Variants in MALRD1 observed in about 807,000 individuals in gnomAD.
MALRD1 encodes the protein MAM and LDL receptor class A domain containing 1.
A neutral mutation model predicts 242.1 loss-of-function variants in MALRD1; 247 were observed. The ratio of observed to expected loss-of-function variants is 1.02; its 90% CI spans 0.92 to 1.13. The LOEUF (loss-of-function observed/expected upper bound fraction) is 1.13. Ranked by LOEUF, MALRD1 falls within the 50% of genes most tolerant of loss-of-function variation. MALRD1 has a pLI of 0.00. For synonymous variants in MALRD1, 995 were observed against 866.6 expected, an observed-to-expected ratio of 1.15 and a Z score of -2.60; for missense variants, 2,989 against 2,533.1, an observed-to-expected ratio of 1.18 and a Z score of -3.86.
chr10:19,186,519 T>C (rs929057103), intron 14 of MALRD1, among the ~76,000 whole-genome samples: 22 of 152,226 alleles, frequency 1.4e-4, no homozygotes, highest in African/African-American at 5.3e-4. Context: ...GAATTCAGGA[T>C]AGTAGTGAAA....
intron 36 of MALRD1, among the ~76,000 whole-genome samples, chr10:19,632,891 G>A (rs1419368328): frequency 1.3e-5 from 2 of 152,110 alleles, no homozygotes; most frequent in Non-Finnish European, 2.9e-5. Flanking sequence ...TAGAACTTTT[G>A]TGCTCCATTG....
At chr10:19,733,847 C>T (rs1732060729) in intron 39 of MALRD1, among the ~76,000 whole-genome samples, 1 of 151,842 alleles carries the variant, frequency 6.6e-6, no homozygotes, top group African/African-American at 2.4e-5. Flanking sequence ...ATATTCAATA[C>T]AGAAGGCTTA....
chr10:19,471,526 A>G (rs1050893484), intron 29 of MALRD1, among the ~76,000 whole-genome samples: 2 of 151,570 alleles, frequency 1.3e-5, no homozygotes, highest in African/African-American at 2.4e-5. Flanking sequence ...TTTGGGTAGT[A>G]TAGACATTTT....
chr10:19,228,837 T>C (rs1017612029), intron 18 of MALRD1, among the ~76,000 whole-genome samples: 5 of 152,148 alleles, frequency 3.3e-5, no homozygotes, highest in African/African-American at 1.2e-4. Flanking sequence ...ACCAAACAAC[T>C]TTTTGAAGAC....
chr10:19,234,697 CCTA>C (rs951570308), intron 18 of MALRD1, among the ~76,000 whole-genome samples: 1 of 151,854 alleles, frequency 6.6e-6, no homozygotes, highest in African/African-American at 2.4e-5. Flanking sequence ...GAAAATAGAT[CCTA>C]CTATACTCCA....
chr10:19,697,173 T>A (rs76355211), intron 38 of MALRD1, among the ~76,000 whole-genome samples: 3,178 of 152,060 alleles, frequency 0.021, 126 homozygotes, highest in African/African-American at 0.073. Flanking sequence ...GAGAGAGATT[T>A]AAGGAGTTGT....
At chr10:19,716,714 G>A (rs1834407680) in intron 38 of MALRD1, 1 of 152,170 alleles carries the variant, frequency 6.6e-6, no homozygotes, top group African/African-American at 2.4e-5. Flanking sequence ...TTGTAATGCA[G>A]AATCTGAAAC....
intron 28 of MALRD1, among the ~76,000 whole-genome samples, chr10:19,399,222 G>A (rs1460966499): frequency 6.6e-6 from 1 of 152,160 alleles, no homozygotes; most frequent in Admixed American, 6.6e-5. Flanking sequence ...GGAATCCTGA[G>A]AGCCAGTAAA....
intron 9 of MALRD1, among the ~76,000 whole-genome samples, chr10:19,135,471 A>G (rs1046188084): frequency 3.9e-5 from 6 of 152,172 alleles, no homozygotes; most frequent in Non-Finnish European, 4.4e-5. Context: ...CATGTTTTGA[A>G]AAGAAAATCT....
chr10:19,105,492 CTT>C (rs1303611881), intron 5 of MALRD1, among the ~76,000 whole-genome samples: 1 of 151,972 alleles, frequency 6.6e-6, no homozygotes, highest in Non-Finnish European at 1.5e-5. Context: ...GCAAAAATCT[CTT>C]TGACAGAGAT....
intron 14 of MALRD1, among the ~76,000 whole-genome samples, chr10:19,187,596 A>G (rs1835795467): frequency 6.6e-6 from 1 of 152,168 alleles, no homozygotes; most frequent in African/African-American, 2.4e-5. Flanking sequence ...GCTGAGGAAG[A>G]GCAGCCCACC....
intron 30 of MALRD1, 132 bp downstream of exon 30, chr10:19,491,777 A>G: frequency 1.0e-6 from 1 of 972,010 alleles, no homozygotes; most frequent in Non-Finnish European, 1.5e-6. Flanking sequence ...AGAATAGCCC[A>G]AATATTTCCC....
chr10:19,057,059 T>C (rs978756895), intron 1 of MALRD1, among the ~76,000 whole-genome samples: 6 of 152,090 alleles, frequency 3.9e-5, no homozygotes, highest in African/African-American at 1.2e-4. Context: ...CAATGTGTTG[T>C]TGAACTCAGT....
chr10:19,358,567 G>C (rs929857427), intron 26 of MALRD1, among the ~76,000 whole-genome samples: 5 of 152,136 alleles, frequency 3.3e-5, no homozygotes, highest in Non-Finnish European at 2.9e-5. Context: ...CTTGGATCTT[G>C]ACACTGCTTA....
intron 2 of MALRD1, among the ~76,000 whole-genome samples, chr10:19,069,845 T>G (rs981778600): frequency 3.3e-5 from 5 of 152,122 alleles, no homozygotes; most frequent in African/African-American, 1.2e-4. Context: ...ATTTTAAATT[T>G]TATCGTACTT....
chr10:19,732,469 G>C (rs1270328598), intron 39 of MALRD1, among the ~76,000 whole-genome samples: 4 of 152,058 alleles, frequency 2.6e-5, no homozygotes, highest in Non-Finnish European at 5.9e-5. Flanking sequence ...CATCATGTTG[G>C]CCAGGCTGAT....
intron 31 of MALRD1, among the ~76,000 whole-genome samples, chr10:19,515,301 A>G (rs1833575402): frequency 2.6e-5 from 4 of 152,186 alleles, no homozygotes; most frequent in Admixed American, 2.6e-4. Flanking sequence ...ACTGAGCTAT[A>G]TCACACCAGC....
intron 18 of MALRD1, among the ~76,000 whole-genome samples, chr10:19,241,866 A>G (rs1412768025): frequency 6.6e-6 from 1 of 152,110 alleles, no homozygotes; most frequent in Non-Finnish European, 1.5e-5. Flanking sequence ...TAAAATTTCC[A>G]AGGGCTTTCC....
intron 33 of MALRD1, among the ~76,000 whole-genome samples, chr10:19,583,397 C>T (rs1371419146): frequency 6.6e-6 from 1 of 150,972 alleles, no homozygotes; most frequent in Non-Finnish European, 1.5e-5. Flanking sequence ...AGATACGTCC[C>T]ATCAATACCT....
Sources: gnomAD v4.1 joint callset for allele counts (sites outside exome capture counted in the v4.1 genomes callset) on GRCh38, gnomAD v4.1.1 for gene constraint, MANE v1.5 for transcripts, NCBI Gene and HGNC (gene_info 2026-07-23, HGNC 2026-07-21) for gene names.